TPP2: variants seen among roughly 807,000 people sequenced by gnomAD.
TPP2 encodes the protein tripeptidyl-peptidase 2.
In TPP2, 34 loss-of-function variants were observed where a neutral mutation model predicts 155.9. The ratio of observed to expected loss-of-function variants is 0.22; its 90% CI spans 0.17 to 0.29. TPP2 has a LOEUF of 0.29. Among genes scored for constraint, TPP2 ranks in the 10% least tolerant of loss-of-function variants. TPP2 has a pLI of 1.00. For synonymous variants in TPP2, 510 were observed against 529.4 expected, an observed-to-expected ratio of 0.96 and a Z score of 0.50; for missense variants, 1,028 against 1,522.3, an observed-to-expected ratio of 0.68 and a Z score of 5.40.
rs201696026 is a variant in TPP2, at chr13:102,643,255, C to T, written c.2054C>T (p.Ser685Leu). ...GTGTGTTCGTGTTCTTCTGAGGTGT[C>T]AGCAAAGTTTGTTCTACATGCAGTC... Reference protein sequence around the residue: ...VTVCSCSSEVSAKFVLHAVQL... With the variant: ...VTVCSCSSEVLAKFVLHAVQL... Residue 685 changes from serine (S) to leucine (L), a missense_variant, in exon 17 of 30, where the codon TCA becomes TTA. By Grantham distance (145) the Ser-to-Leu change is moderately radical (BLOSUM62 -2). Around this residue, in one of 7 missense-constraint regions of TPP2, gnomAD observed 325 missense variants for 463.7 expected, o/e 0.70. Coordinates refer to ENST00000376052, the MANE Select transcript of TPP2 (RefSeq NM_001330588.2). The T allele has an allele frequency of 6.2e-7, 1 of 1,609,060 alleles. No homozygotes were observed. Among genetic ancestry groups the T allele is most frequent in the Non-Finnish European group, 8.5e-7 (1 of 1,178,342 alleles).
intron 19 of TPP2, among the ~76,000 whole-genome samples, chr13:102,645,631 A>G (rs911902855): frequency 2.6e-5 from 4 of 152,222 alleles, no homozygotes; most frequent in Non-Finnish European, 5.9e-5. Flanking sequence ...AAATTAAAAC[A>G]TCCAGCTTTT....
At chr13:102,641,159 C>G (rs749653908) in intron 16 of TPP2, among the ~76,000 whole-genome samples, 1 of 152,188 alleles carries the variant, frequency 6.6e-6, no homozygotes, top group African/African-American at 2.4e-5. Flanking sequence ...TGTGAGAGTG[C>G]TCATGTCATT....
chr13:102,619,184 G>A (rs777162016), intron 5 of TPP2, among the ~76,000 whole-genome samples: 65 of 152,144 alleles, frequency 4.3e-4, no homozygotes, highest in Non-Finnish European at 7.8e-4. Context: ...TAAATTTGAT[G>A]TTTCTAGATA....
chr13:102,645,407 T>G (rs1414351008), intron 19 of TPP2, among the ~76,000 whole-genome samples: 1 of 152,238 alleles, frequency 6.6e-6, no homozygotes, highest in African/African-American at 2.4e-5. Context: ...GCCTGCTGTT[T>G]GTGCCTCAGC....
chr13:102,645,150 CA>C, intron 19 of TPP2, 141 bp downstream of exon 19: 1 of 765,176 alleles, frequency 1.3e-6, no homozygotes, highest in Non-Finnish European at 2.0e-6. Context: ...CAGATCTCTG[CA>C]AGGCAGCCCC....
chr13:102,664,325 TATA>T (rs1424121661), intron 26 of TPP2, among the ~76,000 whole-genome samples: 2 of 152,166 alleles, frequency 1.3e-5, no homozygotes, highest in Non-Finnish European at 2.9e-5. Context: ...GACTGTTGAT[TATA>T]ATGTTTACTC....
At chr13:102,670,589 C>G (rs1321905191) in intron 27 of TPP2, among the ~76,000 whole-genome samples, 1 of 152,192 alleles carries the variant, frequency 6.6e-6, no homozygotes, top group Non-Finnish European at 1.5e-5. Context: ...CTGTGCAATC[C>G]TGTTGCCTCT....
At chr13:102,672,880 G>A (rs2139617418) in intron 27 of TPP2, among the ~76,000 whole-genome samples, 1 of 152,316 alleles carries the variant, frequency 6.6e-6, no homozygotes, top group South Asian at 2.1e-4. Flanking sequence ...CAAAAAGGCA[G>A]TGAAAGTTGG....
intron 25 of TPP2, among the ~76,000 whole-genome samples, chr13:102,658,283 T>C: frequency 6.6e-6 from 1 of 152,222 alleles, no homozygotes. Context: ...ATAGAAGTCA[T>C]CATGATGTGA....
At chr13:102,623,990 G>C (rs55993616) in intron 6 of TPP2, among the ~76,000 whole-genome samples, 1 of 152,010 alleles carries the variant, frequency 6.6e-6, no homozygotes, top group African/African-American at 2.4e-5. Flanking sequence ...TTTTTGATCC[G>C]TGGTTGGTTA....
chr13:102,624,515 C>T (rs1881423845), intron 6 of TPP2, among the ~76,000 whole-genome samples: 1 of 152,190 alleles, frequency 6.6e-6, no homozygotes, highest in Non-Finnish European at 1.5e-5. Context: ...AGCCTTTCTC[C>T]ACCCACATCC....
intron 27 of TPP2, among the ~76,000 whole-genome samples, chr13:102,672,965 T>G (rs1424368248): frequency 6.6e-6 from 1 of 152,134 alleles, no homozygotes; most frequent in East Asian, 1.9e-4. Context: ...ACATTGCAAA[T>G]GTATTGGGGT....
In TPP2 at chr13:102,648,993, C is replaced by A; in HGVS notation, c.2715C>A (p.Asp905Glu). 6 of 1,613,830 alleles carry A rather than the reference C, an allele frequency of 3.7e-6. No individual in the cohort carries two copies. The East Asian group carries it at 1.3e-4, about 36-fold the overall frequency. The change falls in exon 22 of 30, where the codon GAC (aspartate) becomes GAA (glutamate). Residue 905 changes from aspartate to glutamate, a missense_variant. Transcript: ENST00000376052. ...EQISDLERLK[D>E]LPFIVSHRLS... ...TCAGTGATTTGGAACGCCTTAAAGA[C>A]CTTCCATTTATTGTTTCTCATAGAT...
chr13:102,662,820 A>G (rs560008940), intron 25 of TPP2, among the ~76,000 whole-genome samples: 21 of 152,298 alleles, frequency 1.4e-4, no homozygotes, highest in African/African-American at 4.8e-4. Context: ...ATCCTGATAC[A>G]TATAATCAGG....
intron 27 of TPP2, among the ~76,000 whole-genome samples, chr13:102,669,099 T>C (rs1884802155): frequency 6.6e-6 from 1 of 152,228 alleles, no homozygotes; most frequent in Non-Finnish European, 1.5e-5. Flanking sequence ...TTACTGTTTA[T>C]ATCTTTCCAT....
chr13:102,642,339 A>G (rs1882822262), intron 16 of TPP2, among the ~76,000 whole-genome samples: 1 of 152,088 alleles, frequency 6.6e-6, no homozygotes, highest in Non-Finnish European at 1.5e-5. Context: ...AAAGAATACA[A>G]ATCTATGGTT....
chr13:102,675,470 A>C (rs1246772121), intron 28 of TPP2, among the ~76,000 whole-genome samples: 1 of 152,214 alleles, frequency 6.6e-6, no homozygotes, highest in Non-Finnish European at 1.5e-5. Flanking sequence ...GGCTGTGATG[A>C]ATGAGTATTA....
At chr13:102,668,773 A>G (rs1884778245) in intron 27 of TPP2, among the ~76,000 whole-genome samples, 1 of 152,208 alleles carries the variant, frequency 6.6e-6, no homozygotes, top group South Asian at 2.1e-4. Context: ...GCAGTGTACA[A>G]CGGAAAGCAT....
At chr13:102,654,697 G>C (rs1249086249) in intron 24 of TPP2, among the ~76,000 whole-genome samples, 1 of 152,074 alleles carries the variant, frequency 6.6e-6, no homozygotes, top group Non-Finnish European at 1.5e-5. Context: ...TAGCACACTG[G>C]GTGGCAGAGA....
Sources: allele counts gnomAD v4.1 joint callset (sites outside exome capture counted in the v4.1 genomes callset), GRCh38; gene constraint gnomAD v4.1.1; regional missense constraint gnomAD v4.1.1; transcripts MANE v1.5; gene names NCBI Gene and HGNC (gene_info 2026-07-23, HGNC 2026-07-21).